The following RPS6KC1 variants were observed in gnomAD, a reference collection of about 807,000 sequenced individuals.
The protein encoded by RPS6KC1 is inactive ribosomal protein S6 kinase delta-1.
RPS6KC1 carries 54 observed loss-of-function variants against 103.8 expected under a neutral mutation model. The observed-to-expected ratio is 0.52, with a 90% CI of 0.42 to 0.65. The LOEUF is 0.65. RPS6KC1 is among the 30% of genes least tolerant of loss of function. RPS6KC1 has a pLI of 0.00. For missense variants in RPS6KC1, 1,151 were observed against 1,253.8 expected (o/e 0.92, Z 1.24); for synonymous variants, 439 against 438.7 (o/e 1.00, Z -0.01).
chr1:213,400,284 T>C, the RPS6KC1 span, among the ~76,000 whole-genome samples: 1 of 152,258 alleles, frequency 6.6e-6, no homozygotes, highest in South Asian at 2.1e-4. Flanking sequence ...AAACCACATT[T>C]ATTGAGCTCG....
intron 6 of RPS6KC1, among the ~76,000 whole-genome samples, chr1:213,141,820 T>C (rs1266183929): frequency 6.6e-6 from 1 of 151,982 alleles, no homozygotes; most frequent in Non-Finnish European, 1.5e-5. Context: ...TAGTATGTCG[T>C]ATCTTTTTTT....
In RPS6KC1 at chr1:213,115,973, G is replaced by C. The variant is rs373147779; in HGVS notation, c.379-1344G>C. Among the ~76,000 whole-genome samples, 1,151 of 151,694 alleles carry C rather than the reference G, an allele frequency of 7.6e-3. 29 individuals are homozygous for C. Among genetic ancestry groups the C allele is most frequent in the East Asian group, 0.056 (281 of 5,046 alleles). The stretch of plus-strand genomic sequence containing the variant: ...TTGCTGAGGAGAGCTTTACTTCCAA[G>C]TATGTGGTCAATTTTGTAATAGGTG... On this transcript the variant is annotated intron_variant, in intron 4 of 14. Coordinates refer to ENST00000366960, the MANE Select transcript of RPS6KC1 (RefSeq NM_012424.6).
the RPS6KC1 span, among the ~76,000 whole-genome samples, chr1:213,582,951 G>T: frequency 6.6e-6 from 1 of 152,094 alleles, no homozygotes; most frequent in Non-Finnish European, 1.5e-5. Context: ...CCAGGGACCT[G>T]CTTTCTGCCA....
At chr1:213,061,237 A>G (rs576381187) in intron 1 of RPS6KC1, among the ~76,000 whole-genome samples, 2 of 152,352 alleles carry the variant, frequency 1.3e-5, no homozygotes, top group South Asian at 4.1e-4. Flanking sequence ...TTCAGTCTGT[A>G]GTACTTTTGA....
the RPS6KC1 span, among the ~76,000 whole-genome samples, chr1:213,376,101 T>C: frequency 1.4e-5 from 2 of 145,896 alleles, no homozygotes; most frequent in African/African-American, 5.2e-5. Flanking sequence ...TGTGTGTGTG[T>C]GTGTGTGTGT....
At chr1:213,732,354 C>CGTGTGTGTGTGTGT in the RPS6KC1 span, among the ~76,000 whole-genome samples, 16 of 150,100 alleles carry the variant, frequency 1.1e-4, no homozygotes, top group East Asian at 3.9e-4. Flanking sequence ...TATGAGTGTG[C>CGTGTGTGTGTGTGT]GTGTGCGTGT....
chr1:213,270,069 G>A lies in RPS6KC1; in HGVS notation c.3091-2455G>A, dbSNP rs531475789. Among the ~76,000 whole-genome samples the A allele has an allele frequency of 3.9e-4, 59 of 152,226 alleles. 1 individual carries two copies. The South Asian group carries it at 0.011, about 29-fold the overall frequency. ...AAACCTTTAGCTGGTTCCAAACTGT[G>A]CATAAAAAGGCAAAGGAGCTATAAT... On this transcript the variant is annotated intron_variant, in intron 14 of 14. Coordinates refer to ENST00000366960, the MANE Select transcript of RPS6KC1 (RefSeq NM_012424.6).
chr1:213,102,623 A>T (rs1313246435), intron 3 of RPS6KC1, among the ~76,000 whole-genome samples: 1 of 152,192 alleles, frequency 6.6e-6, no homozygotes. Flanking sequence ...TTGAATAAAA[A>T]TTGAGGAAGA....
chr1:213,286,742 A>T, the RPS6KC1 span, among the ~76,000 whole-genome samples: 1 of 152,250 alleles, frequency 6.6e-6, no homozygotes, highest in African/African-American at 2.4e-5. Context: ...GGATACAGGC[A>T]TTAAGCATCA....
At chr1:213,601,732 C>T in the RPS6KC1 span, among the ~76,000 whole-genome samples, 2 of 151,848 alleles carry the variant, frequency 1.3e-5, no homozygotes, top group Non-Finnish European at 2.9e-5. Context: ...TGGATTCTGT[C>T]CTCTCTCTAT....
intron 8 of RPS6KC1, among the ~76,000 whole-genome samples, chr1:213,181,110 G>A (rs1433989625): frequency 6.6e-6 from 1 of 152,158 alleles, no homozygotes; most frequent in Admixed American, 6.5e-5. Context: ...GGGGAACATT[G>A]ATGACTTGAA....
At chr1:213,276,075 A>G (rs10864039), downstream of RPS6KC1, among the ~76,000 whole-genome samples, 68,620 of 152,088 alleles carry the variant, frequency 0.45, 19,261 homozygotes, top group Non-Finnish European at 0.62. Context: ...CAAATGGTGC[A>G]TGTACTGAAG....
the RPS6KC1 span, among the ~76,000 whole-genome samples, chr1:213,652,507 G>A: frequency 1.3e-5 from 2 of 152,196 alleles, no homozygotes; most frequent in African/African-American, 2.4e-5. Flanking sequence ...ACACCTTAGA[G>A]GTGGAGTCTG....
chr1:213,230,691 C>T lies in RPS6KC1; in HGVS notation c.1092+147C>T, dbSNP rs574663402. On this transcript the variant is annotated intron_variant, in intron 9 of 14. Coordinates refer to ENST00000366960, the MANE Select transcript of RPS6KC1 (RefSeq NM_012424.6). Reference sequence around the variant, plus strand: ...TTCTACTAAAAATACAAAAATTAGCCGGGTATAATGGTGGGCTTCTATAAT... The same window carrying T: ...TTCTACTAAAAATACAAAAATTAGCTGGGTATAATGGTGGGCTTCTATAAT... 129 of 453,978 alleles carry T rather than the reference C, an allele frequency of 2.8e-4. 2 individuals are homozygous for T. In the South Asian group the frequency reaches 3.6e-3, roughly 13 times the overall value. The allele number at this position is 453,978 out of a possible 1,614,324, so 28.1% of individuals were successfully genotyped here. A position where few individuals can be genotyped will look rare whatever the true frequency, so the allele number is the denominator to read the frequency against.
chr1:213,641,631 G>A, the RPS6KC1 span, among the ~76,000 whole-genome samples: 1 of 151,916 alleles, frequency 6.6e-6, no homozygotes, highest in Non-Finnish European at 1.5e-5. Context: ...CCAAGCATGT[G>A]TGGGTTAAAG....
In RPS6KC1 at chr1:213,200,558, T is replaced by TA. The variant is rs554931925; in HGVS notation, c.1044+24068dup. Among the ~76,000 whole-genome samples the TA allele has an allele frequency of 2.2e-3, 329 of 152,238 alleles. 2 individuals carry two copies. Among genetic ancestry groups the TA allele is most frequent in the African/African-American group, 7.7e-3 (318 of 41,546 alleles). ...TTGAAGACAACCTAGGTAATACCATTAAGGACATAGGCACTGGCAATGATT... is the reference window on the plus strand; with the variant it reads ...TTGAAGACAACCTAGGTAATACCATTAAAGGACATAGGCACTGGCAATGATT... On this transcript the variant is annotated intron_variant, in intron 8 of 14. Transcript: ENST00000366960.
the RPS6KC1 span, among the ~76,000 whole-genome samples, chr1:213,702,850 T>TG: frequency 9.3e-5 from 12 of 128,826 alleles, no homozygotes; most frequent in South Asian, 1.5e-3. Flanking sequence ...ATTGAGGTTT[T>TG]TTTTGTTTGT....
At chr1:213,422,633 A>G in the RPS6KC1 span, among the ~76,000 whole-genome samples, 1 of 152,224 alleles carries the variant, frequency 6.6e-6, no homozygotes, top group Non-Finnish European at 1.5e-5. Context: ...TGAGTGATTG[A>G]GTGAGTTGTT....
At chr1:213,783,333 G>C in the RPS6KC1 span, among the ~76,000 whole-genome samples, 1 of 152,156 alleles carries the variant, frequency 6.6e-6, no homozygotes, top group African/African-American at 2.4e-5. Flanking sequence ...CCTAAGCTGC[G>C]TCCTTCCTTT....
Sources: gnomAD v4.1 joint callset for allele counts (sites outside exome capture counted in the v4.1 genomes callset) on GRCh38, gnomAD v4.1.1 for gene constraint, MANE v1.5 for transcripts, NCBI Gene and HGNC (gene_info 2026-07-23, HGNC 2026-07-21) for gene names.